The following RPTOR variants were observed in gnomAD, a reference collection of about 807,000 sequenced individuals.
RPTOR encodes regulatory-associated protein of mTOR.
In RPTOR, 21 loss-of-function variants were observed where a neutral mutation model predicts 169.9. The observed-to-expected ratio is 0.12, with a 90% CI of 0.09 to 0.18. The LOEUF is 0.18. Among genes scored for constraint, RPTOR ranks in the 10% least tolerant of loss-of-function variants. RPTOR has a pLI of 1.00. For missense variants in RPTOR, 1,133 were observed against 1,855.9 expected (o/e 0.61, Z 7.16); for synonymous variants, 732 against 753.2 (o/e 0.97, Z 0.46).
At chr17:80,665,904 G>C (rs1373418521) in intron 3 of RPTOR, among the ~76,000 whole-genome samples, 1 of 152,102 alleles carries the variant, frequency 6.6e-6, no homozygotes, top group Non-Finnish European at 1.5e-5. Context: ...GATCTTCGTC[G>C]GAAAGATGAA....
intron 24 of RPTOR, among the ~76,000 whole-genome samples, chr17:80,939,391 G>A (rs568381116): frequency 3.3e-5 from 5 of 152,332 alleles, no homozygotes; most frequent in East Asian, 1.9e-4. Context: ...GCACACACAC[G>A]CATGCACGCA....
rs117598435 is a variant in RPTOR, at chr17:80,696,782, C to T, written c.349-11059C>T. ...CAGCCAGCCCCCCCAAGCACCAATA[C>T]AGGAGCAAACTCCATGCGGGGCCCA... On this transcript the variant is annotated intron_variant, in intron 3 of 33. Coordinates refer to ENST00000306801, the MANE Select transcript of RPTOR (RefSeq NM_020761.3). Among the ~76,000 whole-genome samples, 74 of 152,332 alleles carry T rather than the reference C, an allele frequency of 4.9e-4. No individual in the cohort carries two copies. The East Asian group carries it at 0.013, about 27-fold the overall frequency.
chr17:80,672,914 T>TATAC, intron 3 of RPTOR, among the ~76,000 whole-genome samples: 1 of 152,312 alleles, frequency 6.6e-6, no homozygotes, highest in Non-Finnish European at 1.5e-5. Flanking sequence ...TAACTGTGTC[T>TATAC]ATACAGTCTT....
rs565627270 is a variant in RPTOR, at chr17:80,754,890, C to T, written c.830+705C>T. Among the ~76,000 whole-genome samples the T allele has an allele frequency of 2.2e-4, 33 of 152,300 alleles. No homozygotes were observed. The highest frequency in any genetic ancestry group is 7.2e-4 in the African/African-American group (30 of 41,556). On this transcript the variant is annotated intron_variant, in intron 6 of 33. Transcript: ENST00000306801. This position sits in a 1 kb window ranked among gnomAD's most constrained non-coding sequence, Gnocchi z 4.2. ...GATAAATACCTCTCCCTTGAGGTGC[C>T]GTGCGAATGGTGCAGCTGTGCAGCA... is the stretch of plus-strand genomic sequence containing the variant.
chr17:80,888,751 G>A (rs1391038783), intron 17 of RPTOR, among the ~76,000 whole-genome samples: 1 of 152,192 alleles, frequency 6.6e-6, no homozygotes. Flanking sequence ...GCCACGTGCC[G>A]GGCCGGCTGG....
intron 19 of RPTOR, among the ~76,000 whole-genome samples, chr17:80,893,233 C>CGCCGGGGCGTGTGT (rs1199350302): frequency 6.6e-6 from 1 of 151,800 alleles, no homozygotes; most frequent in Non-Finnish European, 1.5e-5. Flanking sequence ...CCTGTGTGTG[C>CGCCGGGGCGTGTGT]GCCGGGGCGT....
At chr17:80,688,947 C>T (rs775010704) in intron 3 of RPTOR, among the ~76,000 whole-genome samples, 2 of 152,170 alleles carry the variant, frequency 1.3e-5, no homozygotes, top group African/African-American at 2.4e-5. Flanking sequence ...ACACAAGGCA[C>T]CTCAAGGGGT....
intron 1 of RPTOR, among the ~76,000 whole-genome samples, chr17:80,584,611 T>C (rs12949279): frequency 0.33 from 50,924 of 152,136 alleles, 9,412 homozygotes; most frequent in Non-Finnish European, 0.43. Context: ...GTCCTTTTCC[T>C]GTGTTTCATT....
intron 6 of RPTOR, among the ~76,000 whole-genome samples, chr17:80,785,507 G>A (rs1286271929): frequency 6.6e-6 from 1 of 152,180 alleles, no homozygotes; most frequent in African/African-American, 2.4e-5. Flanking sequence ...TGAGGTTTCT[G>A]GGGAGCTGGC....
chr17:80,872,598 G>T (rs550222764), intron 13 of RPTOR, among the ~76,000 whole-genome samples: 1 of 152,204 alleles, frequency 6.6e-6, no homozygotes, highest in African/African-American at 2.4e-5. Context: ...GAGGTGTTTG[G>T]CTGGAGGGAG....
chr17:80,964,369 G>C lies in RPTOR; in HGVS notation c.*39G>C. ...GCCCACCAGGCCACGGCCGCCTGCT[G>C]TACATAGTGAAGCTGTCACTCGCCG... On this transcript the variant is annotated 3_prime_UTR_variant, in exon 34 of 34. Coordinates refer to ENST00000306801, the MANE Select transcript of RPTOR (RefSeq NM_020761.3). The C allele has an allele frequency of 3.8e-6, 6 of 1,593,044 alleles. No homozygotes were observed. Among genetic ancestry groups the C allele is most frequent in the Non-Finnish European group, 4.3e-6 (5 of 1,171,796 alleles).
chr17:80,693,537 G>A (rs1384224839), intron 3 of RPTOR, among the ~76,000 whole-genome samples: 3 of 152,260 alleles, frequency 2.0e-5, no homozygotes, highest in Non-Finnish European at 4.4e-5. Context: ...ATAAAGGAAA[G>A]AGTCGATGAT....
In RPTOR at chr17:80,695,651, G is replaced by A. The variant is rs578092476; in HGVS notation, c.349-12190G>A. Among the ~76,000 whole-genome samples the A allele has an allele frequency of 3.3e-5, 5 of 152,314 alleles. No individual in the cohort carries two copies. The highest frequency in any genetic ancestry group is 5.9e-5 in the Non-Finnish European group (4 of 68,036). ...CTTCCTAGTCTCTGCACGTTACCCC[G>A]AATTCCAGAATAATCGTGAGAAGGA... On this transcript the variant is annotated intron_variant, in intron 3 of 33. Coordinates refer to ENST00000306801, the MANE Select transcript of RPTOR (RefSeq NM_020761.3). This position sits in a 1 kb window ranked among gnomAD's most constrained non-coding sequence, Gnocchi z 4.9.
chr17:80,669,063 G>A (rs535382143), intron 3 of RPTOR, among the ~76,000 whole-genome samples: 2 of 152,340 alleles, frequency 1.3e-5, no homozygotes, highest in South Asian at 2.1e-4. Flanking sequence ...CACGCTTGCC[G>A]GAGGCCAGGC....
At position 80,949,551 on chromosome 17, in the gene RPTOR, G is replaced by T. The variant is rs2144065563; in HGVS notation, c.3370+4G>T. On this transcript the variant is annotated splice_donor_region_variant and intron_variant, in intron 28 of 33. Coordinates refer to ENST00000306801, the MANE Select transcript of RPTOR (RefSeq NM_020761.3). ...GACATGCTGCCAACGACGCGAGGTGGGTCCGCCCGGCTCCTCCCCAGAGCA... is the reference window on the plus strand; with the variant it reads ...GACATGCTGCCAACGACGCGAGGTGTGTCCGCCCGGCTCCTCCCCAGAGCA... The T allele has an allele frequency of 6.2e-7, 1 of 1,612,160 alleles. No individual in the cohort carries two copies. Among genetic ancestry groups the T allele is most frequent in the South Asian group, 1.1e-5 (1 of 91,054 alleles).
At chr17:80,570,994 C>T (rs2064899576) in intron 1 of RPTOR, among the ~76,000 whole-genome samples, 1 of 152,192 alleles carries the variant, frequency 6.6e-6, no homozygotes, top group Admixed American at 6.5e-5. Flanking sequence ...TCTCCTTTCT[C>T]TGATAGAAAC....
intron 3 of RPTOR, among the ~76,000 whole-genome samples, chr17:80,658,953 GGGTGTGTGTTGCC>G (rs2065700078): frequency 6.6e-6 from 1 of 152,194 alleles, no homozygotes. Context: ...TTGAAATGGG[GGGTGTGTGTTGCC>G]ATCAGTCTGA....
chr17:80,835,716 T>C (rs1354712096), intron 9 of RPTOR, among the ~76,000 whole-genome samples: 2 of 152,240 alleles, frequency 1.3e-5, no homozygotes, highest in Non-Finnish European at 2.9e-5. Flanking sequence ...ATATGAAACA[T>C]ACATGGAGTT....
intron 6 of RPTOR, among the ~76,000 whole-genome samples, chr17:80,763,150 G>T (rs2066752062): frequency 1.3e-5 from 2 of 152,124 alleles, no homozygotes; most frequent in African/African-American, 4.8e-5. Context: ...GGAGGCTGAG[G>T]CAGGAGGATC....
Sources: gnomAD v4.1 joint callset for allele counts (sites outside exome capture counted in the v4.1 genomes callset) on GRCh38, gnomAD v4.1.1 for gene constraint, Gnocchi (gnomAD v3.1) non-coding constraint, MANE v1.5 for transcripts, NCBI Gene and HGNC (gene_info 2026-07-23, HGNC 2026-07-21) for gene names.